AARS1: variants seen among roughly 807,000 people sequenced by gnomAD.
AARS1 encodes alanyl-tRNA synthetase 1, also known as alanine--tRNA ligase, cytoplasmic.
AARS1 carries 72 observed loss-of-function variants against 108.9 expected under a neutral mutation model. The observed-to-expected ratio is 0.66, with a 90% CI of 0.55 to 0.80. The LOEUF (loss-of-function observed/expected upper bound fraction) is 0.80. Among genes scored for constraint, AARS1 ranks in the 30% least tolerant of loss-of-function variants. The pLI, the probability that AARS1 is intolerant of heterozygous loss-of-function variation, is 0.00. For synonymous variants in AARS1, 489 were observed against 465.7 expected, an observed-to-expected ratio of 1.05 and a Z score of -0.64; for missense variants, 1,193 against 1,233.2, an observed-to-expected ratio of 0.97 and a Z score of 0.49.
At chr16:70,275,496 C>T (rs1022590607) in intron 4 of AARS1, among the ~76,000 whole-genome samples, 76 of 151,626 alleles carry the variant, frequency 5.0e-4, no homozygotes, top group Non-Finnish European at 1.6e-4. Flanking sequence ...GGCATGGTTC[C>T]TCACGCCTGT....
intron 1 of AARS1, among the ~76,000 whole-genome samples, chr16:70,284,775 T>C (rs987167883): frequency 2.0e-5 from 3 of 152,166 alleles, no homozygotes; most frequent in Admixed American, 1.3e-4. Context: ...ATTATCATTA[T>C]TATCAAAAAG....
chr16:70,258,862 A>G lies in AARS1; in HGVS notation c.1992+118T>C. ...GAGCTACCGTGCCCAGCCTGCTTTA[A>G]GCAAATCTACGTGCAGGACGAATCT... On this transcript the variant is annotated intron_variant, in intron 14 of 20. Coordinates refer to ENST00000261772, the MANE Select transcript of AARS1 (RefSeq NM_001605.3). 8 of 1,277,066 alleles carry G rather than the reference A, an allele frequency of 6.3e-6. No homozygotes were observed. The South Asian group carries it at 9.7e-5, about 16-fold the overall frequency. 79.1% of individuals were successfully genotyped at this position (1,277,066 alleles called of 1,614,324 possible).
chr16:70,259,992 G>A (rs1037830931), intron 13 of AARS1, among the ~76,000 whole-genome samples: 1 of 152,056 alleles, frequency 6.6e-6, no homozygotes. Flanking sequence ...GGCTGGTCTC[G>A]AACTCCCGAC....
chr16:70,255,949 G>A (rs181361203), intron 15 of AARS1, 113 bp from the exon 16 acceptor site: 56 of 972,538 alleles, frequency 5.8e-5, no homozygotes, highest in Non-Finnish European at 8.6e-5. Flanking sequence ...GGGAAAGCCT[G>A]GGCTTGAGAG....
intron 12 of AARS1, among the ~76,000 whole-genome samples, 175 bp downstream of exon 12, chr16:70,262,171 G>A (rs568536638): frequency 1.3e-5 from 2 of 152,278 alleles, no homozygotes; most frequent in East Asian, 1.9e-4. Context: ...GGTACCCGAT[G>A]GCCAGGAAAG....
rs567710985 is a variant in AARS1 at position 70,280,251 on chromosome 16, C to T, written c.144+2369G>A. ...CTCTTTTTTGAGACGGAGTCTCACTCTGTTGCCCAGGCTGGAGTGCAGTGG... is the reference window on the plus strand; with the variant it reads ...CTCTTTTTTGAGACGGAGTCTCACTTTGTTGCCCAGGCTGGAGTGCAGTGG... On this transcript the variant is annotated intron_variant, in intron 2 of 20. Transcript: ENST00000261772. 1.8e-4 allele frequency among the ~76,000 whole-genome samples: 27 copies of T among 152,172 alleles called. No homozygotes were observed. The East Asian group carries it at 5.2e-3, about 29-fold the overall frequency.
intron 3 of AARS1, 109 bp from the exon 4 acceptor site, chr16:70,276,740 A>G: frequency 7.7e-7 from 1 of 1,304,636 alleles, no homozygotes; most frequent in Non-Finnish European, 1.1e-6. Flanking sequence ...TGTTCACTCT[A>G]AATTCAAATT....
In AARS1 at chr16:70,277,068, C is replaced by A. The variant is rs2152167020; in HGVS notation, c.231G>T (p.Arg77=). 6.2e-7 allele frequency: 1 copy of A among 1,614,144 alleles called. No individual in the cohort carries two copies. Among genetic ancestry groups the A allele is most frequent in the South Asian group, 1.1e-5 (1 of 91,080 alleles). Residue 77 remains arginine, a synonymous_variant, in exon 3 of 21, where the codon CGG becomes CGT. Coordinates refer to ENST00000261772, the MANE Select transcript of AARS1 (RefSeq NM_001605.3). ...CCAGGTCATTATGTTTGCCCCCAGCCCGGATGCACTTCTGGGTATTGGCAG... is the reference window on the plus strand; with the variant it reads ...CCAGGTCATTATGTTTGCCCCCAGCACGGATGCACTTCTGGGTATTGGCAG... The part of the protein sequence containing the change: ...SRAANTQKCI[R]AGGKHNDLDD...
chr16:70,266,051 C>T (rs540396658), intron 9 of AARS1, among the ~76,000 whole-genome samples: 4 of 152,280 alleles, frequency 2.6e-5, no homozygotes, highest in South Asian at 2.1e-4. Context: ...CTGTGGCTCA[C>T]GCCTGTAATC....
Position 70,252,846 on chromosome 16 carries a change from C to G in AARS1, c.2782G>C (p.Asp928His). The change falls in exon 21 of 21, where the codon GAC becomes CAC. Residue 928 changes from aspartate (D) to histidine (H), a missense_variant. Coordinates refer to ENST00000261772, the MANE Select transcript of AARS1 (RefSeq NM_001605.3). The part of the protein sequence containing the change: ...EWVQQVSGLM[D>H]GKGGGKDVSA... ...ACATCCTTGCCACCACCTTTACCGT[C>G]CATCAAGCCTGACACCTGCTGCACC... 6.2e-7 allele frequency: 1 copy of G among 1,614,218 alleles called. No individual in the cohort carries two copies. The highest frequency in any genetic ancestry group is 8.5e-7 in the Non-Finnish European group (1 of 1,180,032).
intron 4 of AARS1, among the ~76,000 whole-genome samples, chr16:70,275,750 G>A (rs950473538): frequency 1.2e-4 from 18 of 146,998 alleles, no homozygotes; most frequent in East Asian, 2.1e-4. Context: ...GTGACAGAGC[G>A]AGACTCCAAC....
rs745456386 is a variant in AARS1, at chr16:70,253,250, G to A, written c.2721+18C>T. 4 of 1,580,376 alleles carry A rather than the reference G, an allele frequency of 2.5e-6. No homozygotes were observed. The highest frequency in any genetic ancestry group is 3.5e-6 in the Non-Finnish European group (4 of 1,149,640). On this transcript the variant is annotated intron_variant, in intron 20 of 20. Transcript: ENST00000261772. ...CCTTAAGACCTAACACTTCCCACTG[G>A]TGCGAGGTGGTGCTGACCTGGGGAA...
chr16:70,263,049 A>G (rs1277014527), intron 11 of AARS1, among the ~76,000 whole-genome samples: 3 of 149,792 alleles, frequency 2.0e-5, no homozygotes, highest in Non-Finnish European at 4.4e-5. Flanking sequence ...AGAATGCAAC[A>G]CTCTGTCGGG....
chr16:70,271,990 AT>A lies in AARS1; in HGVS notation c.480-19del. 6.2e-7 allele frequency: 1 copy of A among 1,611,942 alleles called. No individual in the cohort carries two copies. Among genetic ancestry groups the A allele is most frequent in the South Asian group, 1.1e-5 (1 of 91,038 alleles). On this transcript the variant is annotated intron_variant, in intron 4 of 20. Coordinates refer to ENST00000261772, the MANE Select transcript of AARS1 (RefSeq NM_001605.3). ...CATCCAGCCTGACAAAGGAGTAAAG[AT>A]AAGTCCAGTTACAGCCCCTGACAAG... is the stretch of plus-strand genomic sequence containing the variant.
At chr16:70,254,559 T>C (rs1205692815) in intron 17 of AARS1, 62 bp downstream of exon 17, 19 of 1,195,172 alleles carry the variant, frequency 1.6e-5, no homozygotes, top group Non-Finnish European at 2.1e-5. Context: ...GATGATTTCC[T>C]GAAGACGGGG....
intron 1 of AARS1, among the ~76,000 whole-genome samples, chr16:70,286,470 C>A (rs1324871507): frequency 1.3e-5 from 2 of 151,448 alleles, no homozygotes; most frequent in Non-Finnish European, 2.9e-5. Context: ...AGGTGTTCCT[C>A]CCACCTCAGC....
intron 15 of AARS1, 25 bp downstream of exon 15, chr16:70,258,008 T>TA: frequency 6.2e-7 from 1 of 1,613,782 alleles, no homozygotes; most frequent in South Asian, 1.1e-5. Context: ...ATGACCTGTC[T>TA]ACTCTGCCCC....
chr16:70,275,927 A>G (rs917355208), intron 4 of AARS1: 1 of 95,732 alleles, frequency 1.0e-5, no homozygotes, highest in African/African-American at 4.2e-5. Context: ...ACAGAGCAAG[A>G]CTCCATCTCA....
In AARS1 at chr16:70,275,130, C is replaced by T. The variant is rs185202471; in HGVS notation, c.479+1356G>A. On this transcript the variant is annotated intron_variant, in intron 4 of 20. Coordinates refer to ENST00000261772, the MANE Select transcript of AARS1 (RefSeq NM_001605.3). ...CAAAAATTAGCCAGGTGTGGTGGCG[C>T]GCACCTGTAGTCCCAGCTACTCAGG... 5.3e-4 allele frequency among the ~76,000 whole-genome samples: 80 copies of T among 151,152 alleles called. 1 individual carries two copies. In the East Asian group the frequency reaches 0.012, roughly 23 times the overall value.
Sources: allele counts gnomAD v4.1 joint callset (sites outside exome capture counted in the v4.1 genomes callset), GRCh38; gene constraint gnomAD v4.1.1; transcripts MANE v1.5; gene names NCBI Gene and HGNC (gene_info 2026-07-23, HGNC 2026-07-21).